CHN2: variants seen among roughly 807,000 people sequenced by gnomAD.
CHN2 encodes beta-chimaerin.
CHN2 carries 35 observed loss-of-function variants against 56.3 expected under a neutral mutation model. The observed-to-expected ratio is 0.62, with a 90% CI of 0.47 to 0.82. CHN2 has a LOEUF of 0.82. Among genes scored for constraint, CHN2 ranks in the 40% least tolerant of loss-of-function variants. The probability of loss-of-function intolerance (pLI) is 0.00; values close to 1 mark genes in which losing one functional copy is unlikely to be tolerated. For synonymous variants in CHN2, 210 were observed against 212.8 expected (o/e 0.99, Z 0.12); for missense variants, 491 against 580.5 (o/e 0.85, Z 1.58).
intron 2 of CHN2, among the ~76,000 whole-genome samples, chr7:29,154,714 G>A (rs1482860046): frequency 6.6e-6 from 1 of 151,914 alleles, no homozygotes; most frequent in African/African-American, 2.4e-5. Flanking sequence ...ACGTACCTGT[G>A]GTCCCAGCTA....
intron 6 of CHN2, among the ~76,000 whole-genome samples, chr7:29,420,788 A>G (rs541581632): frequency 6.6e-6 from 1 of 150,866 alleles, no homozygotes; most frequent in African/African-American, 2.4e-5. Flanking sequence ...ATTTTAGATT[A>G]TATGGGTTGT....
chr7:29,262,987 T>G (rs934119516), intron 1 of CHN2, among the ~76,000 whole-genome samples: 2 of 152,106 alleles, frequency 1.3e-5, no homozygotes, highest in African/African-American at 4.8e-5. Flanking sequence ...TTACCACAAT[T>G]TAAAATAAGA....
chr7:29,347,203 A>G (rs1797514190), intron 1 of CHN2, among the ~76,000 whole-genome samples: 1 of 152,150 alleles, frequency 6.6e-6, no homozygotes, highest in Admixed American at 6.5e-5. Flanking sequence ...GAGAATTTCA[A>G]TTGACCTAAC....
At chr7:29,240,864 T>C (rs1296182160) in intron 1 of CHN2, among the ~76,000 whole-genome samples, 3 of 151,928 alleles carry the variant, frequency 2.0e-5, no homozygotes, top group Non-Finnish European at 4.4e-5. Flanking sequence ...CTTTCTTCTT[T>C]CTTCTTCCTT....
chr7:29,211,184 C>T (rs532752742), intron 1 of CHN2, among the ~76,000 whole-genome samples: 49 of 152,010 alleles, frequency 3.2e-4, no homozygotes, highest in African/African-American at 1.2e-3. Context: ...CATTCTCCTG[C>T]CTCAGCCTCC....
At chr7:29,150,159 G>C (rs1486261939) in intron 2 of CHN2, among the ~76,000 whole-genome samples, 1 of 152,150 alleles carries the variant, frequency 6.6e-6, no homozygotes, top group African/African-American at 2.4e-5. Context: ...GTTTGGGTTT[G>C]TTAAGCCCTA....
intron 1 of CHN2, among the ~76,000 whole-genome samples, chr7:29,324,456 G>A (rs995776676): frequency 2.0e-5 from 3 of 152,112 alleles, no homozygotes; most frequent in Non-Finnish European, 4.4e-5. Flanking sequence ...GGCAAGATAG[G>A]GGTTGGGTTA....
At chr7:29,508,518 C>T (rs1435801969) in intron 11 of CHN2, among the ~76,000 whole-genome samples, 1 of 151,708 alleles carries the variant, frequency 6.6e-6, no homozygotes, top group African/African-American at 2.4e-5. Flanking sequence ...AGGCTGGGAT[C>T]AGTGTGAGAT....
At chr7:29,227,541 G>A (rs774585759) in intron 1 of CHN2, among the ~76,000 whole-genome samples, 1 of 152,134 alleles carries the variant, frequency 6.6e-6, no homozygotes, top group Non-Finnish European at 1.5e-5. Flanking sequence ...TCAGGGATTG[G>A]GCCAGAAAGG....
chr7:29,193,347 T>C (rs1783141821), upstream of CHN2: 1 of 152,150 alleles, frequency 6.6e-6, no homozygotes, highest in African/African-American at 2.4e-5. Flanking sequence ...GTATGTTAGG[T>C]CCTTGGTTGA....
At chr7:29,383,183 AT>A (rs1489521689) in intron 3 of CHN2, among the ~76,000 whole-genome samples, 1 of 152,168 alleles carries the variant, frequency 6.6e-6, no homozygotes, top group Non-Finnish European at 1.5e-5. Context: ...TGGCAAAAAA[AT>A]GTATTCATCA....
At chr7:29,331,781 G>A (rs1796235819) in intron 1 of CHN2, among the ~76,000 whole-genome samples, 1 of 152,152 alleles carries the variant, frequency 6.6e-6, no homozygotes, top group African/African-American at 2.4e-5. Flanking sequence ...ACAATTTGGG[G>A]CCAGGTGTGG....
At chr7:29,430,449 C>T (rs376168613) in intron 6 of CHN2, among the ~76,000 whole-genome samples, 23 of 152,120 alleles carry the variant, frequency 1.5e-4, no homozygotes, top group African/African-American at 4.8e-4. Flanking sequence ...GGGGCTGCCA[C>T]GTGGTCAGAT....
In CHN2 at chr7:29,392,850, G is replaced by C. The variant is rs139024860; in HGVS notation, c.145-829G>C. On this transcript the variant is annotated intron_variant, in intron 3 of 12. Coordinates refer to ENST00000222792, the MANE Select transcript of CHN2 (RefSeq NM_004067.4). ...TACAACAGTGAATAAACATAAACTT[G>C]CTGTCATACATAGAACCATTCATAA... Among the ~76,000 whole-genome samples the C allele has an allele frequency of 5.9e-3, 895 of 152,302 alleles. 10 individuals carry two copies. The highest frequency in any genetic ancestry group is 0.02 in the African/African-American group (841 of 41,560).
intron 6 of CHN2, among the ~76,000 whole-genome samples, chr7:29,441,565 T>G (rs1316217221): frequency 2.0e-5 from 3 of 152,172 alleles, no homozygotes; most frequent in Non-Finnish European, 2.9e-5. Context: ...ATATATCTGA[T>G]AAGGCTGTTA....
intron 1 of CHN2, among the ~76,000 whole-genome samples, chr7:29,254,362 C>G (rs938260810): frequency 2.6e-5 from 4 of 152,200 alleles, no homozygotes; most frequent in African/African-American, 7.2e-5. Context: ...GTCTATAAAG[C>G]TGATATAAAA....
intron 3 of CHN2, among the ~76,000 whole-genome samples, chr7:29,373,527 C>A (rs939032851): frequency 9.9e-5 from 15 of 152,156 alleles, no homozygotes; most frequent in Admixed American, 6.5e-5. Flanking sequence ...ATTTTACCTT[C>A]CAGTGAATTG....
chr7:29,325,570 A>G (rs112644136), intron 1 of CHN2, among the ~76,000 whole-genome samples: 1,682 of 152,316 alleles, frequency 0.011, 34 homozygotes, highest in African/African-American at 0.039. Context: ...TTCAGTCTTT[A>G]AGTGAATCTT....
intron 6 of CHN2, among the ~76,000 whole-genome samples, chr7:29,456,432 A>C (rs913313957): frequency 1.3e-5 from 2 of 152,188 alleles, no homozygotes; most frequent in African/African-American, 4.8e-5. Context: ...AGGGGGACAG[A>C]AGAAGAACCA....
Sources: allele counts gnomAD v4.1 joint callset (sites outside exome capture counted in the v4.1 genomes callset), GRCh38; gene constraint gnomAD v4.1.1; transcripts MANE v1.5; gene names NCBI Gene and HGNC (gene_info 2026-07-23, HGNC 2026-07-21).